SLC24A2: variants seen among roughly 807,000 people sequenced by gnomAD.
SLC24A2 encodes sodium/potassium/calcium exchanger 2.
A neutral mutation model predicts 62.0 loss-of-function variants in SLC24A2; 36 were observed. That is an observed-to-expected ratio of 0.58 (90% CI 0.44 to 0.77). The LOEUF (loss-of-function observed/expected upper bound fraction) is 0.77, where lower values mean the gene tolerates loss of function less well. SLC24A2 is among the 30% of genes least tolerant of loss of function. The pLI is 0.00. For missense variants in SLC24A2, 846 were observed against 817.9 expected (o/e 1.03, Z -0.42); for synonymous variants, 358 against 294.0 (o/e 1.22, Z -2.23).
chr9:20,122,140 G>T, the SLC24A2 span, among the ~76,000 whole-genome samples: 3 of 152,182 alleles, frequency 2.0e-5, no homozygotes, highest in Non-Finnish European at 2.9e-5. Context: ...AGGGTCTCTT[G>T]TTCACAAGTT....
chr9:19,637,547 T>C (rs1325314071), intron 2 of SLC24A2, among the ~76,000 whole-genome samples: 1 of 152,230 alleles, frequency 6.6e-6, no homozygotes, highest in Non-Finnish European at 1.5e-5. Context: ...AGTCTCCTTT[T>C]TACCTGACTG....
At chr9:19,838,792 A>T in the SLC24A2 span, among the ~76,000 whole-genome samples, 2 of 149,806 alleles carry the variant, frequency 1.3e-5, no homozygotes, top group Non-Finnish European at 3.0e-5. Context: ...AAACCCTAGA[A>T]GAAAACCTAG....
At chr9:19,813,317 C>CTTTTTTTTTTTT in the SLC24A2 span, among the ~76,000 whole-genome samples, 1 of 86,274 alleles carries the variant, frequency 1.2e-5, no homozygotes, top group Non-Finnish European at 2.1e-5. Flanking sequence ...TCATCTTCCT[C>CTTTTTTTTTTTT]TTTTTTTTTT....
the SLC24A2 span, among the ~76,000 whole-genome samples, chr9:20,288,014 G>C: frequency 7.7e-4 from 86 of 112,034 alleles, no homozygotes; most frequent in African/African-American, 3.6e-3. Context: ...TTTTGGTTGG[G>C]AGTGGGAAGG....
intron 4 of SLC24A2, among the ~76,000 whole-genome samples, chr9:19,602,457 C>T (rs1017400911): frequency 6.6e-6 from 1 of 152,152 alleles, no homozygotes; most frequent in Non-Finnish European, 1.5e-5. Context: ...CCAATGATGT[C>T]ATGCCAAAGG....
chr9:20,247,653 G>T, the SLC24A2 span, among the ~76,000 whole-genome samples: 1 of 152,168 alleles, frequency 6.6e-6, no homozygotes, highest in East Asian at 1.9e-4. Flanking sequence ...AATTTCTATT[G>T]TTGGTTAGCC....
chr9:19,980,936 A>G, the SLC24A2 span, among the ~76,000 whole-genome samples: 21 of 152,316 alleles, frequency 1.4e-4, no homozygotes, highest in Middle Eastern at 6.8e-3. Context: ...CCATCCCAAA[A>G]TACTACTCCT....
At chr9:19,598,006 C>T (rs12000454) in intron 4 of SLC24A2, among the ~76,000 whole-genome samples, 18,969 of 152,128 alleles carry the variant, frequency 0.12, 1,269 homozygotes, top group African/African-American at 0.17. Flanking sequence ...CATCAATGGA[C>T]TCCCCCTATA....
intron 7 of SLC24A2, among the ~76,000 whole-genome samples, chr9:19,554,486 C>T (rs544525904): frequency 2.0e-4 from 31 of 152,292 alleles, no homozygotes; most frequent in African/African-American, 7.2e-4. Flanking sequence ...CCTTGGGGAT[C>T]TTGGAACCAG....
At chr9:20,187,080 A>G in the SLC24A2 span, among the ~76,000 whole-genome samples, 1 of 152,154 alleles carries the variant, frequency 6.6e-6, no homozygotes, top group Non-Finnish European at 1.5e-5. Flanking sequence ...TCCCTGTCTC[A>G]TGAGCCAGCA....
At chr9:20,036,986 C>T in the SLC24A2 span, among the ~76,000 whole-genome samples, 3 of 152,062 alleles carry the variant, frequency 2.0e-5, no homozygotes, top group Admixed American at 6.5e-5. Flanking sequence ...ACCTCTGCCA[C>T]CCAGGTTCAA....
the SLC24A2 span, among the ~76,000 whole-genome samples, chr9:20,242,901 C>T: frequency 6.6e-6 from 1 of 152,192 alleles, no homozygotes; most frequent in African/African-American, 2.4e-5. Flanking sequence ...CCAGCCTGTT[C>T]TTCAGCCTTT....
intron 7 of SLC24A2, among the ~76,000 whole-genome samples, chr9:19,566,336 A>C (rs1835650387): frequency 6.7e-6 from 1 of 149,132 alleles, no homozygotes; most frequent in South Asian, 2.2e-4. Context: ...GAAGACATTT[A>C]TGCAGCCAAA....
chr9:19,740,396 A>C (rs10811230), intron 2 of SLC24A2, among the ~76,000 whole-genome samples: 15,798 of 152,294 alleles, frequency 0.1, 961 homozygotes, highest in Middle Eastern at 0.18. Context: ...CTATAGAGCA[A>C]TAAAAATAAA....
the SLC24A2 span, among the ~76,000 whole-genome samples, chr9:19,964,663 C>T: frequency 6.6e-6 from 1 of 152,162 alleles, no homozygotes; most frequent in East Asian, 1.9e-4. Flanking sequence ...TGTTTCTAGG[C>T]TGGGTGGGGC....
the SLC24A2 span, among the ~76,000 whole-genome samples, chr9:19,914,638 C>T: frequency 1.3e-5 from 2 of 152,248 alleles, no homozygotes; most frequent in Admixed American, 1.3e-4. Context: ...GTTCACCCCT[C>T]TGGCATAATC....
the SLC24A2 span, among the ~76,000 whole-genome samples, chr9:20,036,838 G>T: frequency 1.3e-5 from 2 of 151,688 alleles, no homozygotes; most frequent in African/African-American, 4.8e-5. Context: ...ATATATATGT[G>T]TATATATATG....
the SLC24A2 span, among the ~76,000 whole-genome samples, chr9:20,127,027 C>G: frequency 6.6e-6 from 1 of 152,030 alleles, no homozygotes; most frequent in Non-Finnish European, 1.5e-5. Flanking sequence ...TTCATTTCAT[C>G]TCTTTTTTTC....
chr9:19,663,996 C>T (rs547345523), intron 2 of SLC24A2, among the ~76,000 whole-genome samples: 1 of 152,364 alleles, frequency 6.6e-6, no homozygotes, highest in Admixed American at 6.5e-5. Context: ...TTAGCTGCAC[C>T]TGCCATCCTG....
Sources: gnomAD v4.1 joint callset for allele counts (sites outside exome capture counted in the v4.1 genomes callset) on GRCh38, gnomAD v4.1.1 for gene constraint, MANE v1.5 for transcripts, NCBI Gene and HGNC (gene_info 2026-07-23, HGNC 2026-07-21) for gene names.